GRM7: variants seen among roughly 807,000 people sequenced by gnomAD.
GRM7 encodes the protein metabotropic glutamate receptor 7.
Under a neutral mutation model 84.5 loss-of-function variants are expected in GRM7, and 35 were observed. That is an observed-to-expected ratio of 0.41 (90% CI 0.32 to 0.55). GRM7 has a LOEUF of 0.55. GRM7 is among the 20% of genes least tolerant of loss of function. GRM7 has a pLI of 0.19. For missense variants in GRM7, 1,003 were observed against 1,194.6 expected (o/e 0.84, Z 2.36); for synonymous variants, 487 against 455.1 (o/e 1.07, Z -0.89).
chr3:7,059,991 G>A (rs904259760), intron 1 of GRM7, among the ~76,000 whole-genome samples: 1 of 151,814 alleles, frequency 6.6e-6, no homozygotes, highest in Admixed American at 6.6e-5. Flanking sequence ...GAATGGAGTA[G>A]AGTATACATA....
At chr3:7,612,933 T>A (rs933275953) in intron 8 of GRM7, among the ~76,000 whole-genome samples, 2 of 152,206 alleles carry the variant, frequency 1.3e-5, no homozygotes, top group African/African-American at 4.8e-5. Flanking sequence ...GCAGAGTAAC[T>A]TGAACCAATT....
chr3:7,094,393 T>G (rs568392064), intron 1 of GRM7, among the ~76,000 whole-genome samples: 1 of 152,326 alleles, frequency 6.6e-6, no homozygotes, highest in East Asian at 1.9e-4. Context: ...CTGTTGGCCT[T>G]TAGAAGAATG....
intron 4 of GRM7, among the ~76,000 whole-genome samples, chr3:7,369,412 AT>A (rs35867631): frequency 0.23 from 33,383 of 147,728 alleles, 5,063 homozygotes; most frequent in African/African-American, 0.45. Context: ...GCACACATTC[AT>A]TTTTTTTTTT....
intron 1 of GRM7, among the ~76,000 whole-genome samples, chr3:6,912,253 C>G (rs1696796352): frequency 6.6e-6 from 1 of 152,178 alleles, no homozygotes; most frequent in African/African-American, 2.4e-5. Context: ...TGTTTCTTCA[C>G]TACAGGACTT....
At chr3:7,243,061 G>A (rs1180856135) in intron 2 of GRM7, among the ~76,000 whole-genome samples, 1 of 152,086 alleles carries the variant, frequency 6.6e-6, no homozygotes, top group African/African-American at 2.4e-5. Context: ...TCATGTCATG[G>A]CAAAGATAGA....
chr3:6,895,460 C>T (rs907697071), intron 1 of GRM7, among the ~76,000 whole-genome samples: 1 of 152,096 alleles, frequency 6.6e-6, no homozygotes, highest in African/African-American at 2.4e-5. Context: ...AGAACACTAC[C>T]AAACTTATTT....
intron 7 of GRM7, among the ~76,000 whole-genome samples, chr3:7,504,664 G>A (rs1026408827): frequency 7.9e-5 from 12 of 152,206 alleles, no homozygotes; most frequent in East Asian, 3.9e-4. Flanking sequence ...GCACTCCCAC[G>A]ATAATGAATT....
At chr3:7,571,055 C>T (rs1242260492) in intron 7 of GRM7, among the ~76,000 whole-genome samples, 1 of 152,150 alleles carries the variant, frequency 6.6e-6, no homozygotes, top group East Asian at 1.9e-4. Flanking sequence ...GCACCAATTT[C>T]CTATGCTTCA....
intron 9 of GRM7, among the ~76,000 whole-genome samples, chr3:7,735,597 G>GA (rs761998508): frequency 2.6e-5 from 4 of 152,078 alleles, no homozygotes; most frequent in Admixed American, 6.5e-5. Flanking sequence ...ATGGCTGAGT[G>GA]AAAAAATGAA....
chr3:6,998,257 C>A (rs1166362755), intron 1 of GRM7, among the ~76,000 whole-genome samples: 1 of 151,996 alleles, frequency 6.6e-6, no homozygotes, highest in Non-Finnish European at 1.5e-5. Context: ...AGTTGGAAAT[C>A]CAATAGGGCA....
In GRM7 at chr3:7,579,194, G is replaced by A; in HGVS notation, c.2288G>A (p.Ser763Asn). Residue 763 changes from serine to asparagine, a missense_variant, in exon 8 of 10, where the codon AGC becomes AAC. This residue lies in a region of GRM7 where 910 missense variants were observed against 1,126.0 expected (regional missense o/e 0.81). Coordinates refer to ENST00000357716, the MANE Select transcript of GRM7 (RefSeq NM_000844.4). ...DLQIICSLGY[S>N]ILLMVTCTVY... ...CAAATCATTTGCTCCTTGGGATATA[G>A]CATTCTTCTCATGGTCACATGTACT... is the stretch of plus-strand genomic sequence containing the variant. 1 of 1,613,908 alleles carries A rather than the reference G, an allele frequency of 6.2e-7. No individual in the cohort carries two copies. The highest frequency in any genetic ancestry group is 8.5e-7 in the Non-Finnish European group (1 of 1,179,872).
chr3:7,651,826 C>T (rs1313216028), intron 8 of GRM7, among the ~76,000 whole-genome samples: 2 of 152,182 alleles, frequency 1.3e-5, no homozygotes, highest in Admixed American at 6.5e-5. Flanking sequence ...TAGCAAAAAG[C>T]TCCAGCCAGC....
chr3:7,218,995 T>C (rs1357536907), intron 2 of GRM7, among the ~76,000 whole-genome samples: 1 of 152,116 alleles, frequency 6.6e-6, no homozygotes, highest in Non-Finnish European at 1.5e-5. Flanking sequence ...AAATTAATGG[T>C]GCTTATTTTA....
chr3:7,479,642 T>C (rs1175854199), intron 7 of GRM7, among the ~76,000 whole-genome samples: 2 of 152,222 alleles, frequency 1.3e-5, no homozygotes, highest in Non-Finnish European at 2.9e-5. Context: ...CTATGCTGTC[T>C]CACAGCTTAC....
chr3:7,089,344 A>T (rs1378418666), intron 1 of GRM7, among the ~76,000 whole-genome samples: 4 of 152,210 alleles, frequency 2.6e-5, no homozygotes, highest in African/African-American at 7.2e-5. Flanking sequence ...ATAGTTCCAT[A>T]TAATAGAGTT....
chr3:7,544,801 C>T (rs1693060941), intron 7 of GRM7, among the ~76,000 whole-genome samples: 1 of 152,120 alleles, frequency 6.6e-6, no homozygotes, highest in African/African-American at 2.4e-5. Context: ...TCTCCCCTCT[C>T]CTTATGATTT....
chr3:7,216,669 C>G (rs892147947), intron 2 of GRM7, among the ~76,000 whole-genome samples: 8 of 152,180 alleles, frequency 5.3e-5, no homozygotes, highest in African/African-American at 1.2e-4. Context: ...AAACTGTTCT[C>G]TATTATTGCA....
At chr3:7,303,359 C>CT in intron 3 of GRM7, among the ~76,000 whole-genome samples, 1 of 152,280 alleles carries the variant, frequency 6.6e-6, no homozygotes, top group Middle Eastern at 3.4e-3. Context: ...GTTCTGTTCT[C>CT]TTTTGGCAGT....
intron 8 of GRM7, among the ~76,000 whole-genome samples, chr3:7,676,432 A>G (rs984652881): frequency 6.6e-6 from 1 of 152,136 alleles, no homozygotes; most frequent in Non-Finnish European, 1.5e-5. Context: ...TATTTTTATC[A>G]TGCTTATTCT....
Sources: allele counts gnomAD v4.1 joint callset (sites outside exome capture counted in the v4.1 genomes callset), GRCh38; gene constraint gnomAD v4.1.1; regional missense constraint gnomAD v4.1.1; transcripts MANE v1.5; gene names NCBI Gene and HGNC (gene_info 2026-07-23, HGNC 2026-07-21).